Variants in HSD17B2 observed in about 807,000 individuals in gnomAD.
HSD17B2 encodes 17-beta-hydroxysteroid dehydrogenase type 2.
A neutral mutation model predicts 26.9 loss-of-function variants in HSD17B2; 32 were observed. That is an observed-to-expected ratio of 1.19 (90% CI 0.90 to 1.60). The LOEUF is 1.60. Among genes scored for constraint, HSD17B2 ranks in the 40% most tolerant of loss-of-function variants. The pLI is 0.00. For missense variants in HSD17B2, 613 were observed against 468.6 expected (o/e 1.31, Z -2.85); for synonymous variants, 246 against 186.7 (o/e 1.32, Z -2.59).
chr16:82,093,225 C>G (rs9934209), intron 4 of HSD17B2: 86,840 of 152,062 alleles, frequency 0.57, 25,042 homozygotes, highest in Middle Eastern at 0.69. Flanking sequence ...CATCACAGCC[C>G]TCTCCAACCT....
chr16:82,072,891 A>G (rs1185113295), intron 3 of HSD17B2, among the ~76,000 whole-genome samples: 2 of 152,208 alleles, frequency 1.3e-5, no homozygotes, highest in Admixed American at 1.3e-4. Context: ...CCTCGTCTGT[A>G]CAAAAAAATT....
chr16:82,074,957 A>T (rs1452766517), intron 3 of HSD17B2, among the ~76,000 whole-genome samples: 1 of 152,218 alleles, frequency 6.6e-6, no homozygotes, highest in African/African-American at 2.4e-5. Context: ...AGGCCACAAA[A>T]CAAGTCTTAA....
chr16:82,055,691 A>G (rs1451488231), intron 1 of HSD17B2, among the ~76,000 whole-genome samples: 1 of 152,248 alleles, frequency 6.6e-6, no homozygotes, highest in Non-Finnish European at 1.5e-5. Flanking sequence ...ACCATCTATC[A>G]GACAAGTGGG....
In HSD17B2 at chr16:82,090,437, G is replaced by A. The variant is rs8191217; in HGVS notation, c.665-465G>A. Among the ~76,000 whole-genome samples the A allele has an allele frequency of 1.8e-3, 261 of 143,050 alleles. 1 individual carries two copies. Among genetic ancestry groups the A allele is most frequent in the African/African-American group, 6.6e-3 (256 of 38,626 alleles). 93.8% of individuals were successfully genotyped at this position (143,050 alleles called of 152,430 possible). A position where few individuals can be genotyped will look rare whatever the true frequency, so the allele number is the denominator to read the frequency against. ...GGGTCCAAGCGATTCTTACGTCTCA[G>A]CCTCATGAGTAGCTGGGATTACAGG... On this transcript the variant is annotated intron_variant, in intron 3 of 4. Transcript: ENST00000199936.
At chr16:82,067,621 A>G (rs554361467) in intron 1 of HSD17B2, among the ~76,000 whole-genome samples, 1 of 152,284 alleles carries the variant, frequency 6.6e-6, no homozygotes, top group South Asian at 2.1e-4. Context: ...CAGACCATGG[A>G]TAGGGAAAAA....
rs757416170 is a variant in HSD17B2 at position 82,071,031 on chromosome 16, G to A, written c.568G>A (p.Ala190Thr). The A allele has an allele frequency of 6.2e-7, 1 of 1,614,208 alleles. No homozygotes were observed. The highest frequency in any genetic ancestry group is 8.5e-7 in the Non-Finnish European group (1 of 1,180,020). The change falls in exon 3 of 5, where the codon GCC (alanine) becomes ACC (threonine). Residue 190 changes from alanine to threonine, a missense_variant. Ala to Thr is a moderately conservative substitution (Grantham distance 58, BLOSUM62 0). Transcript: ENST00000199936. ...LLMTDYKQCM[A>T]VNFFGTVEVT... ...TATGACTGACTACAAACAATGCATG[G>A]CCGTGAACTTCTTTGGAACTGTGGA...
At chr16:82,079,117 T>C (rs1904322616) in intron 3 of HSD17B2, among the ~76,000 whole-genome samples, 1 of 152,174 alleles carries the variant, frequency 6.6e-6, no homozygotes, top group Non-Finnish European at 1.5e-5. Context: ...TGCATGCTTG[T>C]ATCAAAACAC....
At chr16:82,088,782 T>C (rs1904600385) in intron 3 of HSD17B2, among the ~76,000 whole-genome samples, 1 of 152,242 alleles carries the variant, frequency 6.6e-6, no homozygotes, top group Non-Finnish European at 1.5e-5. Context: ...AATGAGAGTC[T>C]GCTTGATGCC....
intron 4 of HSD17B2, chr16:82,092,945 T>C (rs1477414938): frequency 1.3e-5 from 2 of 152,182 alleles, no homozygotes; most frequent in African/African-American, 4.8e-5. Flanking sequence ...AAATTCCATT[T>C]AGACGAGAGA....
intron 1 of HSD17B2, among the ~76,000 whole-genome samples, chr16:82,067,052 T>C (rs942064808): frequency 2.0e-5 from 3 of 152,230 alleles, no homozygotes; most frequent in Non-Finnish European, 4.4e-5. Context: ...TTATCAATAG[T>C]GTATGTGAAC....
chr16:82,086,961 G>C (rs1230425225), intron 3 of HSD17B2, among the ~76,000 whole-genome samples: 1 of 152,114 alleles, frequency 6.6e-6, no homozygotes, highest in Non-Finnish European at 1.5e-5. Context: ...TGAGGTGTCT[G>C]GTGTTTCTTC....
At chr16:82,072,888 T>G (rs1431685559) in intron 3 of HSD17B2, among the ~76,000 whole-genome samples, 1 of 152,128 alleles carries the variant, frequency 6.6e-6, no homozygotes, top group Non-Finnish European at 1.5e-5. Flanking sequence ...AGACCTCGTC[T>G]GTACAAAAAA....
chr16:82,080,798 T>C (rs1904358065), intron 3 of HSD17B2, among the ~76,000 whole-genome samples: 1 of 152,184 alleles, frequency 6.6e-6, no homozygotes, highest in African/African-American at 2.4e-5. Context: ...TCCTCATTCT[T>C]TACACCATGT....
chr16:82,039,397 G>A (rs1913710323), intron 1 of HSD17B2, among the ~76,000 whole-genome samples: 1 of 151,844 alleles, frequency 6.6e-6, no homozygotes, highest in Admixed American at 6.6e-5. Flanking sequence ...GTGGTGAGGG[G>A]AAAGCTTGAG....
At chr16:82,050,999 A>T (rs955088327) in intron 1 of HSD17B2, among the ~76,000 whole-genome samples, 1 of 152,218 alleles carries the variant, frequency 6.6e-6, no homozygotes, top group African/African-American at 2.4e-5. Flanking sequence ...ATGAGGACAA[A>T]ATCCCTGCCA....
chr16:82,038,920 C>T (rs1913693009), intron 1 of HSD17B2, among the ~76,000 whole-genome samples: 1 of 152,114 alleles, frequency 6.6e-6, no homozygotes, highest in Non-Finnish European at 1.5e-5. Context: ...TTTATGCCTT[C>T]ACACCAGTCA....
chr16:82,078,545 T>C (rs1904315938), intron 3 of HSD17B2, among the ~76,000 whole-genome samples: 1 of 152,240 alleles, frequency 6.6e-6, no homozygotes, highest in African/African-American at 2.4e-5. Flanking sequence ...GAAATCAGTA[T>C]ATCAAAGAGA....
chr16:82,059,436 T>A (rs1914368445), intron 1 of HSD17B2, among the ~76,000 whole-genome samples: 1 of 152,194 alleles, frequency 6.6e-6, no homozygotes. Flanking sequence ...AAGTTTGGAA[T>A]CTCCTGAAGA....
At chr16:82,073,517 C>T (rs971348469) in intron 3 of HSD17B2, among the ~76,000 whole-genome samples, 1 of 152,144 alleles carries the variant, frequency 6.6e-6, no homozygotes, top group African/African-American at 2.4e-5. Context: ...TTATTCTCAC[C>T]CTCTGGTTGT....
Sources: gnomAD v4.1 joint callset for allele counts (sites outside exome capture counted in the v4.1 genomes callset) on GRCh38, gnomAD v4.1.1 for gene constraint, MANE v1.5 for transcripts, NCBI Gene and HGNC (gene_info 2026-07-23, HGNC 2026-07-21) for gene names.